RPL7: variants seen among roughly 807,000 people sequenced by gnomAD.
RPL7 encodes ribosomal protein L7.
For synonymous variants in RPL7, 100 were observed against 102.2 expected, an observed-to-expected ratio of 0.98 and a Z score of 0.13; for missense variants, 205 against 301.9, an observed-to-expected ratio of 0.68 and a Z score of 2.38.
chr8:73,291,500 TA>T, intron 5 of RPL7, 51 bp downstream of exon 5: 1 of 1,298,190 alleles, frequency 7.7e-7, no homozygotes, highest in Non-Finnish European at 1.1e-6. Flanking sequence ...CACAAGAGGG[TA>T]AGAAATTATC....
Position 73,291,923 on chromosome 8 carries a change from C to A in RPL7, c.291-13G>T. Reference sequence around the variant, plus strand: ...CACTCCATTGATACTGTGGTGAAAACGGACCAGAAATGCATTTGCCTTTCA... The same window carrying A: ...CACTCCATTGATACTGTGGTGAAAAAGGACCAGAAATGCATTTGCCTTTCA... On this transcript the variant is annotated splice_polypyrimidine_tract_variant and intron_variant, in intron 3 of 6. Coordinates refer to ENST00000352983, the MANE Select transcript of RPL7 (RefSeq NM_000971.4). 1 of 1,606,536 alleles carries A rather than the reference C, an allele frequency of 6.2e-7. No homozygotes were observed. The highest frequency in any genetic ancestry group is 8.5e-7 in the Non-Finnish European group (1 of 1,173,638).
rs1814111177 is a variant in RPL7, at chr8:73,292,107, A to T, written c.290+132T>A. ...GCTTGCAACTAAACCATTAGTGATC[A>T]GCACCCTCCTTGTTCTAGCTTCCCC... is the stretch of plus-strand genomic sequence containing the variant. On this transcript the variant is annotated intron_variant, in intron 3 of 6. Coordinates refer to ENST00000352983, the MANE Select transcript of RPL7 (RefSeq NM_000971.4). 2.7e-6 allele frequency: 3 copies of T among 1,100,294 alleles called. No homozygotes were observed. In the South Asian group the frequency reaches 4.7e-5, roughly 17 times the overall value. The allele number at this position is 1,100,294 out of a possible 1,614,324, so 68.2% of individuals were successfully genotyped here. A position where few individuals can be genotyped will look rare whatever the true frequency, so the allele number is the denominator to read the frequency against.
rs1814077474 is a variant in RPL7 at position 73,290,742 on chromosome 8, A to G, written c.*2-37T>C. On this transcript the variant is annotated intron_variant, in intron 6 of 6. Coordinates refer to ENST00000352983, the MANE Select transcript of RPL7 (RefSeq NM_000971.4). ...AAAGAAAACCATTAGAAAACACTTT[A>G]GGCAGCTAACAATTAACATAAACTA... 3 of 279,674 alleles carry G rather than the reference A, an allele frequency of 1.1e-5. No individual in the cohort carries two copies. The South Asian group carries it at 2.0e-4, about 19-fold the overall frequency. The allele number at this position is 279,674 out of a possible 1,614,324, so 17.3% of individuals were successfully genotyped here. A position where few individuals can be genotyped will look rare whatever the true frequency, so the allele number is the denominator to read the frequency against.
Position 73,292,286 on chromosome 8 carries a change from G to T in RPL7, c.243C>A (p.Phe81Leu). The T allele has an allele frequency of 6.2e-7, 1 of 1,612,626 alleles. No individual in the cohort carries two copies. Among genetic ancestry groups the T allele is most frequent in the Non-Finnish European group, 8.5e-7 (1 of 1,179,758 alleles). Reference sequence around the variant, plus strand: ...CCAATTTGGGTTCTGCAGGTACATAGAAGTTGCCAGCTTTTCTTGCCATCC... The same window carrying T: ...CCAATTTGGGTTCTGCAGGTACATATAAGTTGCCAGCTTTTCTTGCCATCC... ...MARMARKAGN[F>L]YVPAEPKLAF... Residue 81 changes from phenylalanine to leucine, a missense_variant, in exon 3 of 7, where the codon TTC becomes TTA. Transcript: ENST00000352983.
At chr8:73,291,310 A>T in intron 5 of RPL7, 58 bp from the exon 6 acceptor site, 1 of 1,396,000 alleles carries the variant, frequency 7.2e-7, no homozygotes, top group Non-Finnish European at 9.9e-7. Flanking sequence ...TGAAATAATT[A>T]TTCAAAATCT....
Position 73,291,649 on chromosome 8 carries a change from C to G in RPL7, c.441G>C (p.Leu147=). 1 of 1,593,686 alleles carries G rather than the reference C, an allele frequency of 6.3e-7. No individual in the cohort carries two copies. Among genetic ancestry groups the G allele is most frequent in the Non-Finnish European group, 8.6e-7 (1 of 1,163,216 alleles). Residue 147 remains leucine (L), a synonymous_variant, in exon 5 of 7, where the codon CTG becomes CTC. Coordinates refer to ENST00000352983, the MANE Select transcript of RPL7 (RefSeq NM_000971.4). ...EPYIAWGYPN[L]KSVNELIYKR... Reference sequence around the variant, plus strand: ...TGTAGATTAGTTCATTTACTGACTTCAGATTGGGGTACCTGAAGTGAAAAA... The same window carrying G: ...TGTAGATTAGTTCATTTACTGACTTGAGATTGGGGTACCTGAAGTGAAAAA...
intron 5 of RPL7, 100 bp from the exon 6 acceptor site, chr8:73,291,352 C>A: frequency 1.0e-6 from 1 of 971,958 alleles, no homozygotes. Flanking sequence ...AAAACATAAC[C>A]AGGAATAAAC....
chr8:73,293,429 C>T (rs996042274), intron 1 of RPL7, 170 bp downstream of exon 1: 5 of 779,302 alleles, frequency 6.4e-6, no homozygotes, highest in East Asian at 2.8e-5. Flanking sequence ...CCTAAGACCG[C>T]CCGCATCCCA....
intron 2 of RPL7, 127 bp from the exon 3 acceptor site, chr8:73,292,532 C>A (rs759713225): frequency 5.6e-6 from 6 of 1,078,938 alleles, no homozygotes; most frequent in Non-Finnish European, 6.7e-6. Context: ...AATTACATCC[C>A]CCACCAAAAA....
intron 1 of RPL7, 119 bp from the exon 2 acceptor site, chr8:73,292,916 CT>C: frequency 1.5e-6 from 1 of 678,326 alleles, no homozygotes; most frequent in Non-Finnish European, 2.5e-6. Flanking sequence ...TCACTAGTAA[CT>C]TTACTTGCTC....
chr8:73,292,618 G>A (rs1037942276), intron 2 of RPL7, 71 bp downstream of exon 2: 13 of 1,208,702 alleles, frequency 1.1e-5, no homozygotes, highest in African/African-American at 1.5e-5. Flanking sequence ...ATCTTGCCAA[G>A]AACATTCACC....
At chr8:73,291,931 A>AAATGC in intron 3 of RPL7, 21 bp from the exon 4 acceptor site, 1 of 1,603,800 alleles carries the variant, frequency 6.2e-7, no homozygotes, top group African/African-American at 1.3e-5. Flanking sequence ...AACGGACCAG[A>AAATGC]AATGCATTTG....
intron 5 of RPL7, 141 bp from the exon 6 acceptor site, chr8:73,291,393 G>T (rs934081280): frequency 1.2e-6 from 1 of 852,350 alleles, no homozygotes; most frequent in Non-Finnish European, 1.8e-6. Context: ...CAAAGATAAG[G>T]TTCAAGCTAA....
chr8:73,292,525 T>A, intron 2 of RPL7, 120 bp from the exon 3 acceptor site: 3 of 1,102,182 alleles, frequency 2.7e-6, no homozygotes, highest in South Asian at 3.1e-5. Flanking sequence ...AGTATGCAAT[T>A]ACATCCCCCA....
At chr8:73,293,748 C>A, upstream of RPL7, 2 of 1,010,790 alleles carry the variant, frequency 2.0e-6, no homozygotes. Context: ...GCCTTGCAGA[C>A]GCAAAGAACT....
At chr8:73,294,191 G>T (rs1387195826), upstream of RPL7, 1 of 156,972 alleles carries the variant, frequency 6.4e-6, no homozygotes, top group Admixed American at 6.3e-5. Flanking sequence ...GGTCCTTGTC[G>T]TCGCTCCAGC....
chr8:73,292,461 C>G (rs1468520700), intron 2 of RPL7, 56 bp from the exon 3 acceptor site: 2 of 1,463,106 alleles, frequency 1.4e-6, no homozygotes, highest in African/African-American at 2.8e-5. Context: ...ATTAGCAATG[C>G]CAATCATTAA....
Position 73,292,141 on chromosome 8 carries a change from T to A in RPL7, c.290+98A>T. 6.3e-6 allele frequency: 8 copies of A among 1,267,914 alleles called. No individual in the cohort carries two copies. In the South Asian group the frequency reaches 8.6e-5, roughly 14 times the overall value. 78.5% of individuals were successfully genotyped at this position (1,267,914 alleles called of 1,614,324 possible). On this transcript the variant is annotated intron_variant, in intron 3 of 6. Coordinates refer to ENST00000352983, the MANE Select transcript of RPL7 (RefSeq NM_000971.4). ...CTTGTTCTAGCTTCCCCTAAAATAT[T>A]GTTACTCCGGTGTTTCAGAATCAGG...
At chr8:73,293,823 G>A (rs1407201998), upstream of RPL7, 1 of 584,002 alleles carries the variant, frequency 1.7e-6, no homozygotes, top group Non-Finnish European at 3.0e-6. Flanking sequence ...ATATGCATTT[G>A]ATTAGACTTT....
Sources: gnomAD v4.1 joint callset for allele counts on GRCh38, gnomAD v4.1.1 for gene constraint, MANE v1.5 for transcripts, NCBI Gene and HGNC (gene_info 2026-07-23, HGNC 2026-07-21) for gene names.